Variants in TDRD15 observed in about 807,000 individuals in gnomAD.
TDRD15 encodes tudor domain containing 15.
For synonymous variants in TDRD15, 503 were observed against 314.5 expected (o/e 1.60, Z -6.34); for missense variants, 1,416 against 904.7 (o/e 1.57, Z -7.25).
At chr2:21,135,501 T>C (rs1231362907) in intron 3 of TDRD15, among the ~76,000 whole-genome samples, 2 of 152,046 alleles carry the variant, frequency 1.3e-5, no homozygotes, top group Non-Finnish European at 2.9e-5. Context: ...TTCACATACC[T>C]CTTCTTCAGA....
chr2:21,128,377 C>T (rs1327114257), intron 2 of TDRD15, among the ~76,000 whole-genome samples: 1 of 150,190 alleles, frequency 6.7e-6, no homozygotes, highest in Non-Finnish European at 1.5e-5. Context: ...GGCTGGAGTG[C>T]AGTGGCGTGA....
At position 21,139,491 on chromosome 2, in the gene TDRD15, C is replaced by T. The variant is rs2103444794; in HGVS notation, c.2024C>T (p.Ser675Phe). 1 of 701,690 alleles carries T rather than the reference C, an allele frequency of 1.4e-6. No homozygotes were observed. Among genetic ancestry groups the T allele is most frequent in the Admixed American group, 2.2e-5 (1 of 46,084 alleles). 43.5% of individuals were successfully genotyped at this position (701,690 alleles called of 1,614,324 possible). The change falls in exon 4 of 4, where the codon TCT becomes TTT. Residue 675 changes from serine (S) to phenylalanine (F), a missense_variant. Physicochemically the swap from Ser to Phe is radical, Grantham distance 155. Transcript: ENST00000405799. Reference protein sequence around the residue: ...FQVELEYFPKSVSEYSMLNSE... With the variant: ...FQVELEYFPKFVSEYSMLNSE... ...GTAGAACTAGAATATTTTCCAAAAT[C>T]TGTAAGTGAATATTCAATGCTAAAT...
intron 2 of TDRD15, among the ~76,000 whole-genome samples, chr2:21,132,727 A>G (rs1257518427): frequency 1.3e-5 from 2 of 152,174 alleles, no homozygotes; most frequent in Non-Finnish European, 2.9e-5. Context: ...CTTCTAAAAG[A>G]TGTCTCCCTT....
Position 21,138,490 on chromosome 2 carries a change from A to G in TDRD15, c.1023A>G (p.Lys341=). 1 of 715,824 alleles carries G rather than the reference A, an allele frequency of 1.4e-6. No individual in the cohort carries two copies. Among genetic ancestry groups the G allele is most frequent in the Non-Finnish European group, 2.6e-6 (1 of 384,232 alleles). 44.3% of individuals were successfully genotyped at this position (715,824 alleles called of 1,614,324 possible). A position where few individuals can be genotyped will look rare whatever the true frequency, so the allele number is the denominator to read the frequency against. The change falls in exon 4 of 4, where the codon AAA becomes AAG. Residue 341 remains lysine, a synonymous_variant. Coordinates refer to ENST00000405799, the MANE Select transcript of TDRD15 (RefSeq NM_001306137.2). ...AIPSIYVKKL[K]QDFILVPLFS... ...CCTCAATTTATGTAAAGAAACTTAA[A>G]CAGGATTTTATTTTAGTACCATTAT...
At chr2:21,131,841 C>G (rs948428719) in intron 2 of TDRD15, among the ~76,000 whole-genome samples, 2 of 151,992 alleles carry the variant, frequency 1.3e-5, no homozygotes, top group African/African-American at 4.8e-5. Context: ...ATATAAGTTA[C>G]ATAAATGAAA....
At chr2:21,145,472 C>T (rs1666015601), downstream of TDRD15, among the ~76,000 whole-genome samples, 1 of 151,812 alleles carries the variant, frequency 6.6e-6, no homozygotes, top group South Asian at 2.1e-4. Context: ...CTTTGGGTCC[C>T]TGCTTCTATC....
intron 2 of TDRD15, among the ~76,000 whole-genome samples, chr2:21,128,544 G>A (rs1019122229): frequency 1.3e-5 from 2 of 151,872 alleles, no homozygotes; most frequent in Non-Finnish European, 2.9e-5. Flanking sequence ...GGATGGTCTC[G>A]ATCTCCTGAC....
At position 21,135,827 on chromosome 2, in the gene TDRD15, A is replaced by G. The variant is rs552723189; in HGVS notation, c.-4+980A>G. Among the ~76,000 whole-genome samples, 12 of 152,122 alleles carry G rather than the reference A, an allele frequency of 7.9e-5. No homozygotes were observed. The South Asian group carries it at 8.3e-4, about 11-fold the overall frequency. On this transcript the variant is annotated intron_variant, in intron 3 of 3. Coordinates refer to ENST00000405799, the MANE Select transcript of TDRD15 (RefSeq NM_001306137.2). The stretch of plus-strand genomic sequence containing the variant: ...TACCCCTTCTGATGTGGAATTCCCC[A>G]GGAGTCCATCTGTATTGTTTGAGGG...
At position 21,143,342 on chromosome 2, in the gene TDRD15, A is replaced by G. The variant is rs1665976815; in HGVS notation, c.*70A>G. On this transcript the variant is annotated 3_prime_UTR_variant, in exon 4 of 4. Coordinates refer to ENST00000405799, the MANE Select transcript of TDRD15 (RefSeq NM_001306137.2). The stretch of plus-strand genomic sequence containing the variant: ...ACAAAAAACAAAATATAAATTTTAC[A>G]TACACTGAGAAACAAAAGTGTAAAC... The G allele has an allele frequency of 2.0e-6, 1 of 500,132 alleles. No homozygotes were observed. The highest frequency in any genetic ancestry group is 3.8e-5 in the Admixed American group (1 of 26,342). 31.0% of individuals were successfully genotyped at this position (500,132 alleles called of 1,614,324 possible). A position where few individuals can be genotyped will look rare whatever the true frequency, so the allele number is the denominator to read the frequency against.
downstream of TDRD15, among the ~76,000 whole-genome samples, chr2:21,147,089 A>G (rs532275594): frequency 4.6e-5 from 7 of 152,244 alleles, no homozygotes; most frequent in African/African-American, 1.7e-4. Context: ...TACATAATAA[A>G]TGCTCACTAA....
chr2:21,140,206 A>G lies in TDRD15; in HGVS notation c.2739A>G (p.Leu913=). The part of the protein sequence containing the change: ...YALVIIHPNH[L]YNLVDLQSSF... Reference sequence around the variant, plus strand: ...TAGTTATTATACATCCAAACCATTTATATAACTTAGTGGATTTACAGTCCT... The same window carrying G: ...TAGTTATTATACATCCAAACCATTTGTATAACTTAGTGGATTTACAGTCCT... Residue 913 remains leucine, a synonymous_variant, in exon 4 of 4, where the codon TTA becomes TTG. Transcript: ENST00000405799. 1 of 715,460 alleles carries G rather than the reference A, an allele frequency of 1.4e-6. No individual in the cohort carries two copies. Among genetic ancestry groups the G allele is most frequent in the Non-Finnish European group, 2.6e-6 (1 of 383,866 alleles). The allele number at this position is 715,460 out of a possible 1,614,324, so 44.3% of individuals were successfully genotyped here. A position where few individuals can be genotyped will look rare whatever the true frequency, so the allele number is the denominator to read the frequency against.
chr2:21,143,078 G>T lies in TDRD15; in HGVS notation c.5611G>T (p.Asp1871Tyr), dbSNP rs1410711366. The change falls in exon 4 of 4, where the codon GAT becomes TAT. Residue 1871 changes from aspartate to tyrosine, a missense_variant. Transcript: ENST00000405799. The stretch of plus-strand genomic sequence containing the variant: ...TGAAGAAGCCAAAATCTTTTTTCGA[G>T]ATTTCCTAAGTAAACCAGACTTAGT... ...WSEEAKIFFR[D>Y]FLSKPDLVFQ... 1 of 689,746 alleles carries T rather than the reference G, an allele frequency of 1.4e-6. No homozygotes were observed. Among genetic ancestry groups the T allele is most frequent in the East Asian group, 2.7e-5 (1 of 36,942 alleles). 42.7% of individuals were successfully genotyped at this position (689,746 alleles called of 1,614,324 possible). A position where few individuals can be genotyped will look rare whatever the true frequency, so the allele number is the denominator to read the frequency against.
At chr2:21,134,011 G>A (rs951016034) in intron 2 of TDRD15, among the ~76,000 whole-genome samples, 6 of 151,920 alleles carry the variant, frequency 3.9e-5, no homozygotes, top group African/African-American at 1.4e-4. Context: ...TTTAAATGGT[G>A]TTACTGGATT....
intron 3 of TDRD15, among the ~76,000 whole-genome samples, chr2:21,136,005 A>C (rs544645932): frequency 2.6e-5 from 4 of 152,164 alleles, no homozygotes; most frequent in African/African-American, 9.6e-5. Context: ...CTTTTTATAC[A>C]TGAAAAAGGG....
At chr2:21,128,835 T>C (rs1287493237) in intron 2 of TDRD15, among the ~76,000 whole-genome samples, 1 of 151,942 alleles carries the variant, frequency 6.6e-6, no homozygotes, top group Non-Finnish European at 1.5e-5. Context: ...AAGAAATGTA[T>C]GGCCATTTAT....
At chr2:21,147,284 G>T (rs564376841), downstream of TDRD15, among the ~76,000 whole-genome samples, 2 of 151,670 alleles carry the variant, frequency 1.3e-5, no homozygotes, top group Admixed American at 6.6e-5. Context: ...CTATTCTGAA[G>T]ATAGGATTTA....
chr2:21,128,244 ATATTT>A (rs1353968805), intron 2 of TDRD15, among the ~76,000 whole-genome samples: 1 of 151,572 alleles, frequency 6.6e-6, no homozygotes, highest in East Asian at 1.9e-4. Flanking sequence ...GATATGGAAC[ATATTT>A]TTATGTTAAG....
chr2:21,135,767 G>A (rs1665796292), intron 3 of TDRD15, among the ~76,000 whole-genome samples: 2 of 151,944 alleles, frequency 1.3e-5, no homozygotes, highest in African/African-American at 4.8e-5. Context: ...GGATGTTACT[G>A]GCATTAAGTG....
chr2:21,146,622 T>C (rs1666035079), downstream of TDRD15, among the ~76,000 whole-genome samples: 1 of 152,126 alleles, frequency 6.6e-6, no homozygotes, highest in Non-Finnish European at 1.5e-5. Flanking sequence ...GTTCATTCTT[T>C]GCTAATGAGG....
Sources: gnomAD v4.1 joint callset for allele counts (sites outside exome capture counted in the v4.1 genomes callset) on GRCh38, gnomAD v4.1.1 for gene constraint, MANE v1.5 for transcripts, NCBI Gene and HGNC (gene_info 2026-07-23, HGNC 2026-07-21) for gene names.